C2orf49: variants seen among roughly 807,000 people sequenced by gnomAD.
C2orf49 encodes tRNA splicing ligase complex subunit 2.
C2orf49 carries 11 observed loss-of-function variants against 20.6 expected under a neutral mutation model. The observed-to-expected ratio is 0.53, with a 90% confidence interval of 0.34 to 0.88. The LOEUF is 0.88. Ranked by LOEUF, C2orf49 falls within the 40% of genes least tolerant of loss-of-function variation. C2orf49 has a pLI of 0.02. For synonymous variants in C2orf49, 134 were observed against 108.5 expected (o/e 1.24, Z -1.46); for missense variants, 289 against 274.2 (o/e 1.05, Z -0.38).
At chr2:105,367,505 A>C in the C2orf49 span, 1 of 1,492,406 alleles carries the variant, frequency 6.7e-7, no homozygotes, top group Admixed American at 2.0e-5. Context: ...AAGAGAACTG[A>C]CAGACATGGA....
chr2:105,343,247 G>C, intron 3 of C2orf49, 24 bp downstream of exon 3: 1 of 1,539,956 alleles, frequency 6.5e-7, no homozygotes, highest in Non-Finnish European at 8.7e-7. Flanking sequence ...TGGTTTCCAT[G>C]CTGGTAAGTG....
the C2orf49 span, among the ~76,000 whole-genome samples, chr2:105,368,947 A>G: frequency 6.6e-6 from 1 of 152,240 alleles, no homozygotes; most frequent in African/African-American, 2.4e-5. Context: ...ATTGGAACAC[A>G]GCCACGCCCA....
downstream of C2orf49, among the ~76,000 whole-genome samples, chr2:105,350,669 A>G (rs1319505928): frequency 1.3e-5 from 2 of 152,226 alleles, no homozygotes; most frequent in Non-Finnish European, 2.9e-5. Context: ...AATGCTTTTC[A>G]TAAATATAAA....
chr2:105,338,109 C>A (rs1679554615), intron 1 of C2orf49, among the ~76,000 whole-genome samples: 1 of 152,100 alleles, frequency 6.6e-6, no homozygotes, highest in African/African-American at 2.4e-5. Flanking sequence ...AAAACAGTTC[C>A]AGAGAGATGA....
the C2orf49 span, chr2:105,378,041 C>A: frequency 0.093 from 43,847 of 470,242 alleles, 3,600 homozygotes; most frequent in African/African-American, 0.31. Context: ...AACAGGAAAG[C>A]AAAGCCACTA....
At chr2:105,357,521 C>G in the C2orf49 span, among the ~76,000 whole-genome samples, 1 of 152,204 alleles carries the variant, frequency 6.6e-6, no homozygotes, top group Non-Finnish European at 1.5e-5. Flanking sequence ...ATGCTCAAGT[C>G]TCATATAAAA....
chr2:105,364,243 G>A, the C2orf49 span, among the ~76,000 whole-genome samples: 1 of 150,222 alleles, frequency 6.7e-6, no homozygotes, highest in East Asian at 1.9e-4. Context: ...ACAACAGAGT[G>A]AGACTGTCTC....
the C2orf49 span, chr2:105,363,366 G>A: frequency 9.9e-6 from 16 of 1,614,182 alleles, no homozygotes; most frequent in Admixed American, 1.7e-5. Context: ...AAGTCATCGC[G>A]AGCTGTGAAG....
chr2:105,372,951 A>G, the C2orf49 span, among the ~76,000 whole-genome samples: 1 of 152,224 alleles, frequency 6.6e-6, no homozygotes, highest in Non-Finnish European at 1.5e-5. Context: ...AACAAAACAA[A>G]TAACTCCCCC....
the C2orf49 span, among the ~76,000 whole-genome samples, chr2:105,363,799 C>T: frequency 3.9e-5 from 6 of 152,232 alleles, no homozygotes; most frequent in East Asian, 3.9e-4. Context: ...GTGGAGGGGT[C>T]GGGATTCAAT....
the C2orf49 span, among the ~76,000 whole-genome samples, chr2:105,368,771 A>G: frequency 0.71 from 107,985 of 152,042 alleles, 38,783 homozygotes; most frequent in African/African-American, 0.79. Context: ...AGATAGGCGT[A>G]TAAACAAGTA....
At chr2:105,361,088 C>T in the C2orf49 span, 5 of 478,998 alleles carry the variant, frequency 1.0e-5, no homozygotes, top group South Asian at 4.5e-5. Context: ...GGGCCTAGGG[C>T]GAGTTTTCTC....
At chr2:105,351,564 G>GTT (rs1338431044), downstream of C2orf49, among the ~76,000 whole-genome samples, 2 of 152,118 alleles carry the variant, frequency 1.3e-5, no homozygotes, top group Admixed American at 1.3e-4. Flanking sequence ...GTTTTGTTTT[G>GTT]TTTTTTAACT....
chr2:105,357,508 T>C, the C2orf49 span, among the ~76,000 whole-genome samples: 8 of 152,246 alleles, frequency 5.3e-5, no homozygotes, highest in Non-Finnish European at 8.8e-5. Flanking sequence ...CCAAACTCCA[T>C]GGATGCTCAA....
chr2:105,355,770 T>TTG, the C2orf49 span, among the ~76,000 whole-genome samples: 15,710 of 142,896 alleles, frequency 0.11, 1,007 homozygotes, highest in East Asian at 0.29. Context: ...AGAAAAAATT[T>TTG]TGTGTGTGTG....
At chr2:105,360,032 C>G in the C2orf49 span, 12 of 152,354 alleles carry the variant, frequency 7.9e-5, no homozygotes, top group African/African-American at 2.9e-4. Flanking sequence ...TAGCTGGGTG[C>G]GGTGGCTCAT....
rs1348990431 is a variant in C2orf49 at position 105,343,018 on chromosome 2, C to G, written c.437C>G (p.Ser146Cys). The change falls in exon 3 of 4, where the codon TCT becomes TGT. Residue 146 changes from serine to cysteine, a missense_variant. Transcript: ENST00000258457. ...GCCTTTAGAAAATTATCAAATTCCT[C>G]TTCGAGTGTTTCACCCCTAATTTTG... ...SNAFRKLSNS[S>C]SSVSPLILSS... The G allele has an allele frequency of 1.2e-6, 2 of 1,614,066 alleles. No homozygotes were observed. The highest frequency in any genetic ancestry group is 2.7e-5 in the African/African-American group (2 of 74,922).
chr2:105,380,505 A>C, the C2orf49 span, among the ~76,000 whole-genome samples: 22 of 152,202 alleles, frequency 1.4e-4, no homozygotes, highest in African/African-American at 5.1e-4. Context: ...CTGGAATTAC[A>C]GGCATGAGCC....
chr2:105,352,436 T>TTTA (rs1679958299), downstream of C2orf49, among the ~76,000 whole-genome samples: 1 of 123,380 alleles, frequency 8.1e-6, no homozygotes, highest in Non-Finnish European at 1.8e-5. Context: ...TGGGTTTTTT[T>TTTA]TTTTTTTTTT....
Sources: allele counts gnomAD v4.1 joint callset (sites outside exome capture counted in the v4.1 genomes callset), GRCh38; gene constraint gnomAD v4.1.1; transcripts MANE v1.5; gene names NCBI Gene and HGNC (gene_info 2026-07-23, HGNC 2026-07-21).